KIT: variants seen among roughly 807,000 people sequenced by gnomAD.
KIT encodes the protein KIT proto-oncogene, receptor tyrosine kinase.
KIT carries 16 observed loss-of-function variants against 105.7 expected under a neutral mutation model. The observed-to-expected ratio is 0.15, with a 90% CI of 0.10 to 0.23. The LOEUF (loss-of-function observed/expected upper bound fraction) is 0.23, where lower values mean the gene tolerates loss of function less well. KIT is among the 10% of genes least tolerant of loss of function. The pLI is 1.00. For missense variants in KIT, 858 were observed against 1,213.8 expected (o/e 0.71, Z 4.36); for synonymous variants, 438 against 441.1 (o/e 0.99, Z 0.09).
intron 7 of KIT, among the ~76,000 whole-genome samples, chr4:54,711,928 CAA>C (rs549683976): frequency 2.4e-4 from 18 of 73,858 alleles, no homozygotes; most frequent in African/African-American, 1.5e-4. Context: ...GAGTCCGTCT[CAA>C]AAAAAAAAAA....
At chr4:54,676,132 C>A (rs1332948242) in intron 1 of KIT, among the ~76,000 whole-genome samples, 1 of 152,186 alleles carries the variant, frequency 6.6e-6, no homozygotes, top group Non-Finnish European at 1.5e-5. Context: ...AAATTGTTTG[C>A]TGCGCTAATG....
chr4:54,723,359 T>A (rs2109759406), intron 7 of KIT, among the ~76,000 whole-genome samples: 1 of 152,292 alleles, frequency 6.6e-6, no homozygotes, highest in South Asian at 2.1e-4. Context: ...CTCAGCCATC[T>A]CCTCTGGGGC....
rs558568705 is a variant in KIT at position 54,706,731 on chromosome 4, C to A, written c.926-367C>A. 7.8e-4 allele frequency among the ~76,000 whole-genome samples: 118 copies of A among 152,138 alleles called. 1 individual carries two copies. The highest frequency in any genetic ancestry group is 2.6e-3 in the African/African-American group (106 of 41,536). On this transcript the variant is annotated intron_variant, in intron 5 of 20. Coordinates refer to ENST00000288135, the MANE Select transcript of KIT (RefSeq NM_000222.3). ...CCTTGTTTTCCCTTAATTTATGACA[C>A]CTTATCACATATATAATTATATATT...
At position 54,693,725 on chromosome 4, in the gene KIT, C is replaced by T. The variant is rs1719867420; in HGVS notation, c.68-1787C>T. Reference sequence around the variant, plus strand: ...GGGACATAAATCTGATGTGCATGAACCATTCCCTTCACCATTCTGCAAGAG... The same window carrying T: ...GGGACATAAATCTGATGTGCATGAATCATTCCCTTCACCATTCTGCAAGAG... On this transcript the variant is annotated intron_variant, in intron 1 of 20. Coordinates refer to ENST00000288135, the MANE Select transcript of KIT (RefSeq NM_000222.3). Among the ~76,000 whole-genome samples, 5 of 152,130 alleles carry T rather than the reference C, an allele frequency of 3.3e-5. No homozygotes were observed. In the South Asian group the frequency reaches 1.0e-3, roughly 32 times the overall value.
At chr4:54,659,773 A>G (rs534213946) in intron 1 of KIT, among the ~76,000 whole-genome samples, 1 of 152,286 alleles carries the variant, frequency 6.6e-6, no homozygotes, top group South Asian at 2.1e-4. Flanking sequence ...ACCTAGTAGG[A>G]GACTAGAAAG....
intron 1 of KIT, among the ~76,000 whole-genome samples, chr4:54,675,575 T>C (rs1718409250): frequency 6.6e-6 from 1 of 152,212 alleles, no homozygotes; most frequent in African/African-American, 2.4e-5. Flanking sequence ...ATGTGATTGT[T>C]TTGGCCTAAT....
At chr4:54,686,178 T>A (rs577611743) in intron 1 of KIT, among the ~76,000 whole-genome samples, 15 of 152,176 alleles carry the variant, frequency 9.9e-5, no homozygotes, top group Non-Finnish European at 2.1e-4. Flanking sequence ...AATTAGTTCA[T>A]CATCTTTAGA....
At chr4:54,716,764 C>A (rs1424680923) in intron 7 of KIT, among the ~76,000 whole-genome samples, 1 of 152,086 alleles carries the variant, frequency 6.6e-6, no homozygotes, top group East Asian at 1.9e-4. Context: ...TTATAATTAT[C>A]GTGTTTAATG....
At position 54,725,965 on chromosome 4, in the gene KIT, CA is replaced by C; in HGVS notation, c.1457del (p.Asn486MetfsTer41). ...CTATAGATTCTAGTGCATTCAAGCA[CA>C]ATGGCACGGTTGAATGTAAGGCTTA... Reference protein sequence around the residue: ...SSIDSSAFKHNGTVECKAYND... With the variant: ...SSIDSSAFKHXGTVECKAYND... On this transcript the variant is annotated frameshift_variant, in exon 9 of 21. Transcript: ENST00000288135. LOFTEE classifies it high-confidence loss of function. The C allele has an allele frequency of 6.2e-7, 1 of 1,614,110 alleles. No individual in the cohort carries two copies. Among genetic ancestry groups the C allele is most frequent in the Non-Finnish European group, 8.5e-7 (1 of 1,179,978 alleles).
chr4:54,663,411 G>T (rs944322085), intron 1 of KIT, among the ~76,000 whole-genome samples: 1 of 152,120 alleles, frequency 6.6e-6, no homozygotes, highest in East Asian at 1.9e-4. Context: ...ATAGTGCCCC[G>T]CATAGAGGAA....
At chr4:54,726,099 C>T (rs1460524036) in intron 9 of KIT, 49 bp downstream of exon 9, 1 of 1,433,282 alleles carries the variant, frequency 7.0e-7, no homozygotes, top group Non-Finnish European at 9.8e-7. Flanking sequence ...GCTCTGTCTA[C>T]CATATCAGTC....
intron 1 of KIT, among the ~76,000 whole-genome samples, chr4:54,669,413 C>A (rs1041847772): frequency 2.0e-5 from 3 of 152,356 alleles, no homozygotes; most frequent in Admixed American, 1.3e-4. Context: ...TGAGGTGGGT[C>A]CCCCACGGGG....
chr4:54,728,194 C>A, intron 13 of KIT, 73 bp downstream of exon 13: 1 of 1,123,182 alleles, frequency 8.9e-7, no homozygotes, highest in Non-Finnish European at 1.3e-6. Context: ...ATGATTTTGG[C>A]AATGCTAGAT....
chr4:54,698,700 G>A, intron 3 of KIT, 135 bp downstream of exon 3: 1 of 988,380 alleles, frequency 1.0e-6, no homozygotes, highest in Non-Finnish European at 1.6e-6. Context: ...TTCAAAAAAT[G>A]TCATCTGCTT....
intron 7 of KIT, among the ~76,000 whole-genome samples, chr4:54,721,157 G>T (rs1453256588): frequency 6.6e-6 from 1 of 152,134 alleles, no homozygotes; most frequent in Non-Finnish European, 1.5e-5. Flanking sequence ...CGAGAACATC[G>T]AGTCTGATGG....
intron 1 of KIT, among the ~76,000 whole-genome samples, chr4:54,672,726 C>A (rs1730278587): frequency 6.6e-6 from 1 of 152,144 alleles, no homozygotes; most frequent in African/African-American, 2.4e-5. Context: ...TCCCTTGTTA[C>A]CATCATTTAG....
At chr4:54,659,875 G>C (rs1431126206) in intron 1 of KIT, among the ~76,000 whole-genome samples, 1 of 152,022 alleles carries the variant, frequency 6.6e-6, no homozygotes, top group Non-Finnish European at 1.5e-5. Flanking sequence ...TTTAAGGTCT[G>C]TCTCCTGGGG....
chr4:54,738,580 C>T lies in KIT; in HGVS notation c.*23C>T, dbSNP rs2109819971. On this transcript the variant is annotated 3_prime_UTR_variant, in exon 21 of 21. Transcript: ENST00000288135. ...TGAGCAGAATCAGTGTTTGGGTCAC[C>T]CCTCCAGGAATGATCTCTTCTTTTG... 2 of 1,613,138 alleles carry T rather than the reference C, an allele frequency of 1.2e-6. No homozygotes were observed. The highest frequency in any genetic ancestry group is 2.2e-5 in the East Asian group (1 of 44,844).
chr4:54,725,938 T>C lies in KIT; in HGVS notation c.1428T>C (p.Ser476=). The change falls in exon 9 of 21, where the codon AGT becomes AGC. Residue 476 remains serine (S), a synonymous_variant. Transcript: ENST00000288135. ...GPPFGKLVVQ[S]SIDSSAFKHN... is the part of the protein sequence containing the mutation. ...CGTTTGGAAAGCTAGTGGTTCAGAGTTCTATAGATTCTAGTGCATTCAAGC... is the reference window on the plus strand; with the variant it reads ...CGTTTGGAAAGCTAGTGGTTCAGAGCTCTATAGATTCTAGTGCATTCAAGC... The C allele has an allele frequency of 6.2e-7, 1 of 1,614,140 alleles. No homozygotes were observed.
Sources: allele counts gnomAD v4.1 joint callset (sites outside exome capture counted in the v4.1 genomes callset), GRCh38; gene constraint gnomAD v4.1.1; transcripts MANE v1.5; gene names NCBI Gene and HGNC (gene_info 2026-07-23, HGNC 2026-07-21).